The following KIZ variants were observed in gnomAD, a reference collection of about 807,000 sequenced individuals.
The protein encoded by KIZ is centrosomal protein kizuna.
KIZ carries 68 observed loss-of-function variants against 79.6 expected under a neutral mutation model. The observed-to-expected ratio is 0.85, with a 90% CI of 0.70 to 1.05. The LOEUF (loss-of-function observed/expected upper bound fraction) is 1.05, where lower values mean the gene tolerates loss of function less well. Among genes scored for constraint, KIZ ranks in the 50% least tolerant of loss-of-function variants. The pLI is 0.00. For missense variants in KIZ, 797 were observed against 800.4 expected, an observed-to-expected ratio of 1.00 and a Z score of 0.05; for synonymous variants, 280 against 281.8, an observed-to-expected ratio of 0.99 and a Z score of 0.06.
At chr20:21,215,553 CTT>C in intron 8 of KIZ, 28 bp from the exon 9 acceptor site, 5 of 1,369,866 alleles carry the variant, frequency 3.6e-6, no homozygotes, top group Non-Finnish European at 3.1e-6. Context: ...CTTTGAAATA[CTT>C]TTTTTTTATT....
At position 21,185,452 on chromosome 20, in the gene KIZ, C is replaced by T. The variant is rs1431749812; in HGVS notation, c.1353-20039C>T. On this transcript the variant is annotated intron_variant, in intron 6 of 12. Transcript: ENST00000619189. ...TGAGACGGATTCTCACTCTGTCACC[C>T]AGGCTGGAATGCAGTGGCATGATCG... is the stretch of plus-strand genomic sequence containing the variant. Among the ~76,000 whole-genome samples the T allele has an allele frequency of 3.4e-5, 5 of 148,234 alleles. No homozygotes were observed. In the East Asian group the frequency reaches 9.8e-4, roughly 29 times the overall value.
chr20:21,244,386 A>G (rs2037321541), intron 12 of KIZ, 98 bp downstream of exon 12: 2 of 850,820 alleles, frequency 2.4e-6, no homozygotes, highest in Non-Finnish European at 4.0e-6. Flanking sequence ...TGAGTCCTGA[A>G]GCGGGCATGC....
chr20:21,221,925 A>G (rs2036514861), intron 9 of KIZ, among the ~76,000 whole-genome samples: 1 of 152,212 alleles, frequency 6.6e-6, no homozygotes, highest in Non-Finnish European at 1.5e-5. Context: ...GTCCTATCCC[A>G]AAGCATTTTC....
chr20:21,169,091 A>G (rs565986156), intron 6 of KIZ, among the ~76,000 whole-genome samples: 8 of 152,234 alleles, frequency 5.3e-5, no homozygotes, highest in African/African-American at 2.4e-5. Flanking sequence ...ATGGGATCTA[A>G]TTAAACTAAA....
chr20:21,129,842 C>T (rs1298046515), intron 1 of KIZ, among the ~76,000 whole-genome samples: 1 of 152,100 alleles, frequency 6.6e-6, no homozygotes, highest in Non-Finnish European at 1.5e-5. Context: ...CACCCAGATC[C>T]CTCAACTATT....
intron 9 of KIZ, among the ~76,000 whole-genome samples, chr20:21,223,280 T>C (rs542381267): frequency 6.6e-6 from 1 of 152,314 alleles, no homozygotes; most frequent in South Asian, 2.1e-4. Context: ...GTTTTGGGAA[T>C]GTTGGTTAAA....
At chr20:21,180,025 A>C (rs1271884140) in intron 6 of KIZ, among the ~76,000 whole-genome samples, 1 of 152,170 alleles carries the variant, frequency 6.6e-6, no homozygotes, top group Non-Finnish European at 1.5e-5. Context: ...GAAGAATGCT[A>C]TTGCGTTTGG....
intron 6 of KIZ, among the ~76,000 whole-genome samples, chr20:21,186,335 A>G (rs1228892611): frequency 6.6e-6 from 1 of 151,922 alleles, no homozygotes; most frequent in Non-Finnish European, 1.5e-5. Flanking sequence ...TATGATGTCC[A>G]TGTGATGGAC....
intron 7 of KIZ, among the ~76,000 whole-genome samples, chr20:21,207,793 C>T (rs2035896783): frequency 6.6e-6 from 1 of 152,042 alleles, no homozygotes; most frequent in Non-Finnish European, 1.5e-5. Context: ...CACCAGGGCT[C>T]ACTGCCTCCT....
chr20:21,241,688 T>A (rs2037221007), intron 11 of KIZ, among the ~76,000 whole-genome samples: 2 of 152,220 alleles, frequency 1.3e-5, no homozygotes, highest in Admixed American at 1.3e-4. Flanking sequence ...CATTTTTTCC[T>A]AGAGTGCCAC....
intron 6 of KIZ, among the ~76,000 whole-genome samples, 182 bp downstream of exon 6, chr20:21,163,341 C>T (rs191775211): frequency 7.2e-5 from 11 of 152,110 alleles, no homozygotes; most frequent in Admixed American, 7.2e-4. Context: ...TCTTTCTTTC[C>T]TTCCTCCCTT....
At chr20:21,187,636 C>T (rs2034937042) in intron 6 of KIZ, among the ~76,000 whole-genome samples, 1 of 152,110 alleles carries the variant, frequency 6.6e-6, no homozygotes, top group Admixed American at 6.5e-5. Context: ...CTTAAACACA[C>T]GTGTATATAT....
intron 4 of KIZ, chr20:21,154,211 A>G (rs2033260822): frequency 6.6e-6 from 1 of 152,216 alleles, no homozygotes; most frequent in Admixed American, 6.5e-5. Context: ...AGATAATAAG[A>G]AGAAGAAAAA....
At position 21,163,175 on chromosome 20, in the gene KIZ, T is replaced by G. The variant is rs756365003; in HGVS notation, c.1352+16T>G. 42 of 1,568,008 alleles carry G rather than the reference T, an allele frequency of 2.7e-5. No individual in the cohort carries two copies. Among genetic ancestry groups the G allele is most frequent in the Non-Finnish European group, 3.6e-5 (42 of 1,154,468 alleles). The stretch of plus-strand genomic sequence containing the variant: ...CAACAAGAGAGTAAGCCATTCAATT[T>G]TTTTTTTCTACTGTTCTGTTTTTAA... On this transcript the variant is annotated intron_variant, in intron 6 of 12. Coordinates refer to ENST00000619189, the MANE Select transcript of KIZ (RefSeq NM_018474.6).
chr20:21,145,504 A>G (rs1029856956), intron 3 of KIZ, 61 bp from the exon 4 acceptor site: 11 of 758,384 alleles, frequency 1.5e-5, no homozygotes, highest in African/African-American at 7.2e-5. Context: ...AGACCGCAGT[A>G]TACAGACAGG....
chr20:21,214,408 G>A (rs533567321), intron 7 of KIZ, 127 bp from the exon 8 acceptor site: 10 of 619,650 alleles, frequency 1.6e-5, no homozygotes, highest in Non-Finnish European at 2.7e-5. Flanking sequence ...TCATTTAAAT[G>A]TGGGAAACAG....
intron 4 of KIZ, among the ~76,000 whole-genome samples, chr20:21,146,024 G>A (rs188942425): frequency 6.6e-6 from 1 of 152,186 alleles, no homozygotes; most frequent in African/African-American, 2.4e-5. Context: ...ACATAATTTT[G>A]TACATTTTAA....
chr20:21,177,033 C>T (rs761815300), intron 6 of KIZ, among the ~76,000 whole-genome samples: 5 of 152,214 alleles, frequency 3.3e-5, no homozygotes, highest in Admixed American at 2.0e-4. Flanking sequence ...TCTAGATCTT[C>T]GCTATTGCGA....
intron 6 of KIZ, among the ~76,000 whole-genome samples, chr20:21,163,467 C>T (rs2033791699): frequency 1.3e-5 from 2 of 152,118 alleles, no homozygotes; most frequent in Admixed American, 1.3e-4. Context: ...TTCCCCAACC[C>T]CCTACTCTCC....
Sources: allele counts gnomAD v4.1 joint callset (sites outside exome capture counted in the v4.1 genomes callset), GRCh38; gene constraint gnomAD v4.1.1; transcripts MANE v1.5; gene names NCBI Gene and HGNC (gene_info 2026-07-23, HGNC 2026-07-21).